DCC: variants seen among roughly 807,000 people sequenced by gnomAD.
The protein encoded by DCC is netrin receptor DCC.
DCC carries 58 observed loss-of-function variants against 172.5 expected under a neutral mutation model. The observed-to-expected ratio is 0.34, with a 90% CI of 0.27 to 0.42. The LOEUF is 0.42. Ranked by LOEUF, DCC falls within the 10% of genes least tolerant of loss-of-function variation. The pLI, the probability that DCC is intolerant of heterozygous loss-of-function variation, is 1.00. For synonymous variants in DCC, 709 were observed against 644.5 expected, an observed-to-expected ratio of 1.10 and a Z score of -1.52; for missense variants, 1,740 against 1,791.0, an observed-to-expected ratio of 0.97 and a Z score of 0.51.
chr18:53,429,514 T>A (rs1237714935), intron 21 of DCC, among the ~76,000 whole-genome samples: 1 of 152,028 alleles, frequency 6.6e-6, no homozygotes, highest in Non-Finnish European at 1.5e-5. Flanking sequence ...AAAAATGAAT[T>A]TACTTCTCAG....
At chr18:52,536,664 C>A (rs561772555) in intron 1 of DCC, among the ~76,000 whole-genome samples, 1 of 152,090 alleles carries the variant, frequency 6.6e-6, no homozygotes, top group South Asian at 2.1e-4. Context: ...ATACCTAAAC[C>A]TTCCAAAATG....
intron 9 of DCC, among the ~76,000 whole-genome samples, chr18:53,189,759 A>G (rs78911979): frequency 0.028 from 4,241 of 152,286 alleles, 63 homozygotes; most frequent in Admixed American, 0.046. Flanking sequence ...GGCCTGAAGG[A>G]AACTAATAAG....
chr18:53,438,961 A>G (rs1185316679), intron 22 of DCC, among the ~76,000 whole-genome samples: 5 of 152,126 alleles, frequency 3.3e-5, no homozygotes, highest in African/African-American at 9.7e-5. Flanking sequence ...CTTCTTCCCA[A>G]TTTTCTGCAT....
At chr18:52,362,066 C>G (rs1984641440) in intron 1 of DCC, among the ~76,000 whole-genome samples, 1 of 152,168 alleles carries the variant, frequency 6.6e-6, no homozygotes, top group Admixed American at 6.5e-5. Flanking sequence ...TCTTCTATTC[C>G]AGTAATTGGT....
chr18:53,001,166 G>A (rs558310072), intron 5 of DCC, among the ~76,000 whole-genome samples: 3 of 152,124 alleles, frequency 2.0e-5, no homozygotes, highest in Admixed American at 6.6e-5. Flanking sequence ...GATTAATCAC[G>A]CTTTTATCCC....
intron 19 of DCC, among the ~76,000 whole-genome samples, chr18:53,408,329 C>T (rs1909789631): frequency 6.6e-6 from 1 of 152,138 alleles, no homozygotes; most frequent in African/African-American, 2.4e-5. Flanking sequence ...TTCAAATGTT[C>T]ACCTGGCTGA....
chr18:53,136,169 T>C (rs1385150259), intron 7 of DCC, among the ~76,000 whole-genome samples: 1 of 138,912 alleles, frequency 7.2e-6, no homozygotes, highest in Non-Finnish European at 1.6e-5. Flanking sequence ...ATTATATGGG[T>C]ATATTCTTTA....
rs1021013487 is a variant in DCC at position 52,682,176 on chromosome 18, T to C, written c.92-69878T>C. 4.6e-5 allele frequency among the ~76,000 whole-genome samples: 7 copies of C among 152,088 alleles called. No individual in the cohort carries two copies. The South Asian group carries it at 1.4e-3, about 31-fold the overall frequency. Reference sequence around the variant, plus strand: ...CCCAATTAACTCAGGCACTTCCAAATATGAACCGGTCAATGTAAAACACTG... The same window carrying C: ...CCCAATTAACTCAGGCACTTCCAAACATGAACCGGTCAATGTAAAACACTG... On this transcript the variant is annotated intron_variant, in intron 1 of 28. Transcript: ENST00000442544.
At chr18:53,446,278 C>T (rs942335460) in intron 22 of DCC, among the ~76,000 whole-genome samples, 4 of 151,818 alleles carry the variant, frequency 2.6e-5, no homozygotes, top group Non-Finnish European at 4.4e-5. Flanking sequence ...AGAGTGAGAC[C>T]CTGTTTCTAA....
chr18:53,213,546 G>A (rs960449673), intron 11 of DCC, among the ~76,000 whole-genome samples: 4 of 151,000 alleles, frequency 2.6e-5, no homozygotes, highest in Non-Finnish European at 5.9e-5. Context: ...TACTTGGGAG[G>A]CTGAGGCAGG....
intron 1 of DCC, among the ~76,000 whole-genome samples, chr18:52,381,809 A>T (rs1179349725): frequency 6.6e-6 from 1 of 152,050 alleles, no homozygotes; most frequent in Non-Finnish European, 1.5e-5. Flanking sequence ...CTAATTATTG[A>T]TCCTACTCTC....
chr18:52,359,995 A>G (rs1984548942), intron 1 of DCC, among the ~76,000 whole-genome samples: 1 of 152,190 alleles, frequency 6.6e-6, no homozygotes, highest in Admixed American at 6.5e-5. Flanking sequence ...AGTCTATGCT[A>G]TAATTCCTAG....
At chr18:53,140,249 A>G (rs1337369101) in intron 7 of DCC, among the ~76,000 whole-genome samples, 3 of 152,212 alleles carry the variant, frequency 2.0e-5, no homozygotes, top group Admixed American at 2.0e-4. Flanking sequence ...TTTAAAATAT[A>G]TATTAGAAAA....
At chr18:53,313,802 A>T (rs1320995987) in intron 13 of DCC, among the ~76,000 whole-genome samples, 2 of 152,258 alleles carry the variant, frequency 1.3e-5, no homozygotes, top group South Asian at 2.1e-4. Flanking sequence ...CCAGCAAGAG[A>T]CAGAACAGAG....
chr18:53,191,349 G>A (rs1340796780), intron 9 of DCC, among the ~76,000 whole-genome samples: 2 of 152,082 alleles, frequency 1.3e-5, no homozygotes, highest in African/African-American at 4.8e-5. Context: ...TTATGCCACA[G>A]AGTGTTTAAA....
At chr18:53,035,783 G>A (rs563667824) in intron 5 of DCC, among the ~76,000 whole-genome samples, 1 of 152,062 alleles carries the variant, frequency 6.6e-6, no homozygotes, top group East Asian at 1.9e-4. Context: ...TCTATAATTA[G>A]TTTAAATAAA....
chr18:53,176,078 A>G (rs1178701885), intron 8 of DCC, among the ~76,000 whole-genome samples: 3 of 146,292 alleles, frequency 2.1e-5, no homozygotes, highest in Non-Finnish European at 4.5e-5. Context: ...GCAATGGGGA[A>G]AGGATTCCCT....
chr18:52,344,970 G>T (rs1025910), intron 1 of DCC, among the ~76,000 whole-genome samples: 2 of 151,948 alleles, frequency 1.3e-5, no homozygotes, highest in Non-Finnish European at 2.9e-5. Context: ...AATTACATAA[G>T]GGCACTTGCA....
chr18:52,776,474 G>A (rs1273784621), intron 2 of DCC, among the ~76,000 whole-genome samples: 1 of 152,076 alleles, frequency 6.6e-6, no homozygotes, highest in Admixed American at 6.6e-5. Context: ...AGAAAAAGTA[G>A]GATTAGGTCA....
Sources: gnomAD v4.1 joint callset for allele counts (sites outside exome capture counted in the v4.1 genomes callset) on GRCh38, gnomAD v4.1.1 for gene constraint, MANE v1.5 for transcripts, NCBI Gene and HGNC (gene_info 2026-07-23, HGNC 2026-07-21) for gene names.